Variants in SEMA3A observed in about 807,000 individuals in gnomAD.
SEMA3A encodes semaphorin 3A, also known as semaphorin-3A.
SEMA3A carries 29 observed loss-of-function variants against 97.9 expected under a neutral mutation model. The observed-to-expected ratio is 0.30, with a 90% CI of 0.22 to 0.40. SEMA3A has a LOEUF of 0.40. Ranked by LOEUF, SEMA3A falls within the 10% of genes least tolerant of loss-of-function variation. The pLI is 1.00. For synonymous variants in SEMA3A, 321 were observed against 323.7 expected (o/e 0.99, Z 0.09); for missense variants, 763 against 951.3 (o/e 0.80, Z 2.60).
intron 1 of SEMA3A, among the ~76,000 whole-genome samples, chr7:84,435,999 C>T (rs559807243): frequency 8.5e-5 from 13 of 152,142 alleles, no homozygotes; most frequent in African/African-American, 3.1e-4. Flanking sequence ...ATTAATGGAA[C>T]CAAATAGGGA....
chr7:84,275,918 G>T (rs1362394745), intron 3 of SEMA3A, among the ~76,000 whole-genome samples: 4 of 151,824 alleles, frequency 2.6e-5, no homozygotes, highest in Admixed American at 2.0e-4. Context: ...ATTTAAATAT[G>T]ACTCCTAGAA....
intron 3 of SEMA3A, among the ~76,000 whole-genome samples, chr7:84,201,539 C>T (rs1015340482): frequency 2.0e-5 from 3 of 151,972 alleles, no homozygotes; most frequent in Non-Finnish European, 4.4e-5. Flanking sequence ...CATTATATTC[C>T]AGGTTTAATT....
At chr7:84,283,613 A>G (rs1022564089) in intron 3 of SEMA3A, among the ~76,000 whole-genome samples, 4 of 152,222 alleles carry the variant, frequency 2.6e-5, no homozygotes, top group African/African-American at 9.6e-5. Flanking sequence ...AATAGAAACA[A>G]AGTATCAAAC....
intron 1 of SEMA3A, among the ~76,000 whole-genome samples, chr7:84,412,097 C>A (rs1328508941): frequency 6.6e-6 from 1 of 152,122 alleles, no homozygotes; most frequent in Non-Finnish European, 1.5e-5. Context: ...TATGACAGCT[C>A]AAAATGAATG....
intron 14 of SEMA3A, among the ~76,000 whole-genome samples, chr7:83,979,727 A>G (rs1789315582): frequency 6.6e-6 from 1 of 152,208 alleles, no homozygotes; most frequent in Admixed American, 6.5e-5. Flanking sequence ...TACTGCGTAT[A>G]CATTTAATAT....
intron 4 of SEMA3A, among the ~76,000 whole-genome samples, chr7:84,082,308 G>C (rs1794192734): frequency 6.6e-6 from 1 of 152,126 alleles, no homozygotes; most frequent in Admixed American, 6.5e-5. Context: ...CTATGTTCTA[G>C]CTACAGAGCT....
intron 3 of SEMA3A, among the ~76,000 whole-genome samples, chr7:84,277,705 C>G (rs1444109256): frequency 6.6e-6 from 1 of 152,026 alleles, no homozygotes; most frequent in Non-Finnish European, 1.5e-5. Flanking sequence ...TCAGGGGGGG[C>G]CTCAGGAAAC....
At chr7:84,332,144 T>C (rs758005440) in intron 2 of SEMA3A, among the ~76,000 whole-genome samples, 1 of 152,140 alleles carries the variant, frequency 6.6e-6, no homozygotes, top group African/African-American at 2.4e-5. Context: ...ACAAAGGATC[T>C]GGAGACTACA....
intron 2 of SEMA3A, among the ~76,000 whole-genome samples, chr7:84,346,618 A>G (rs1015842540): frequency 1.3e-5 from 2 of 152,194 alleles, no homozygotes; most frequent in African/African-American, 4.8e-5. Flanking sequence ...AGCAGTCAGA[A>G]CACACCAACA....
At chr7:84,117,254 A>C (rs1423800225) in intron 3 of SEMA3A, among the ~76,000 whole-genome samples, 4 of 152,116 alleles carry the variant, frequency 2.6e-5, no homozygotes, top group African/African-American at 9.7e-5. Context: ...GGAATTTTTA[A>C]ATTTATTTAT....
chr7:84,014,541 A>G (rs1004237852), intron 6 of SEMA3A, among the ~76,000 whole-genome samples, 190 bp from the exon 7 acceptor site: 5 of 152,150 alleles, frequency 3.3e-5, no homozygotes, highest in African/African-American at 1.2e-4. Flanking sequence ...AATACCTTAT[A>G]TCTCTAGAAA....
chr7:84,222,569 T>G (rs550848571), intron 3 of SEMA3A, among the ~76,000 whole-genome samples: 1 of 152,028 alleles, frequency 6.6e-6, no homozygotes, highest in East Asian at 1.9e-4. Context: ...AAGCAGCCTA[T>G]GAAGAATTAG....
intron 15 of SEMA3A, among the ~76,000 whole-genome samples, chr7:83,966,198 T>C (rs1201472211): frequency 6.6e-6 from 1 of 152,110 alleles, no homozygotes; most frequent in South Asian, 2.1e-4. Context: ...GAAAATATTC[T>C]TTTATTAAAA....
chr7:83,985,014 A>G (rs902357811), intron 13 of SEMA3A, among the ~76,000 whole-genome samples: 5 of 152,066 alleles, frequency 3.3e-5, no homozygotes, highest in African/African-American at 1.2e-4. Context: ...CTAAAAATGC[A>G]TTTTTGTTTA....
chr7:84,361,877 A>G (rs1562919692), intron 2 of SEMA3A, among the ~76,000 whole-genome samples: 1 of 151,984 alleles, frequency 6.6e-6, no homozygotes, highest in Non-Finnish European at 1.5e-5. Context: ...GGATCCGAGA[A>G]GAGAGAACTG....
chr7:84,257,253 G>T lies in SEMA3A; in HGVS notation c.-83+49954C>A, dbSNP rs1198302606. ...AATGTCAAACTCTCATCAAAAACAGGCTGGGCACTTTAATTTTTTTTTTTT... is the reference window on the plus strand; with the variant it reads ...AATGTCAAACTCTCATCAAAAACAGTCTGGGCACTTTAATTTTTTTTTTTT... On this transcript the variant is annotated intron_variant, in intron 3 of 3. Transcript: ENST00000424555. Among the ~76,000 whole-genome samples, 3 of 151,436 alleles carry T rather than the reference G, an allele frequency of 2.0e-5. No individual in the cohort carries two copies. In the East Asian group the frequency reaches 5.8e-4, roughly 29 times the overall value.
rs59465422 is a variant in SEMA3A at position 84,463,237 on chromosome 7, C to CTTTTTTTTTT, written c.-246+29213_-246+29222dup. Among the ~76,000 whole-genome samples, 91 of 71,358 alleles carry CTTTTTTTTTT rather than the reference C, an allele frequency of 1.3e-3. 16 individuals are homozygous for CTTTTTTTTTT. Among genetic ancestry groups the CTTTTTTTTTT allele is most frequent in the East Asian group, 4.1e-3 (14 of 3,432 alleles). The allele number at this position is 71,358 out of a possible 152,430, so 46.8% of individuals were successfully genotyped here. A position where few individuals can be genotyped will look rare whatever the true frequency, so the allele number is the denominator to read the frequency against. ...ATTACTTTAGTATTTTGTAACTATT[C>CTTTTTTTTTT]TTTTTTTTTTTTTTTTTTTTTTTTT... On this transcript the variant is annotated intron_variant, in intron 1 of 3. Transcript: ENST00000424555.
intron 13 of SEMA3A, among the ~76,000 whole-genome samples, chr7:83,984,235 T>C (rs1477902362): frequency 6.6e-6 from 1 of 152,114 alleles, no homozygotes; most frequent in Non-Finnish European, 1.5e-5. Context: ...TATCCCAGTC[T>C]AGCTTCCATC....
chr7:84,083,635 C>A (rs927800240), intron 4 of SEMA3A, among the ~76,000 whole-genome samples: 5 of 152,024 alleles, frequency 3.3e-5, no homozygotes, highest in Admixed American at 1.3e-4. Flanking sequence ...CCTCTGGTAA[C>A]CATCACCAGA....
Sources: allele counts gnomAD v4.1 joint callset (sites outside exome capture counted in the v4.1 genomes callset), GRCh38; gene constraint gnomAD v4.1.1; transcripts MANE v1.5; gene names NCBI Gene and HGNC (gene_info 2026-07-23, HGNC 2026-07-21).